CCNC: variants seen among roughly 807,000 people sequenced by gnomAD.
The protein encoded by CCNC is cyclin C.
CCNC carries 19 observed loss-of-function variants against 50.0 expected under a neutral mutation model. The observed-to-expected ratio is 0.38, with a 90% confidence interval of 0.27 to 0.56. The LOEUF is 0.56. Ranked by LOEUF, CCNC falls within the 20% of genes least tolerant of loss-of-function variation. CCNC has a pLI of 0.72. For synonymous variants in CCNC, 93 were observed against 103.7 expected (o/e 0.90, Z 0.63); for missense variants, 200 against 327.1 (o/e 0.61, Z 3.00).
intron 5 of CCNC, among the ~76,000 whole-genome samples, chr6:99,552,668 A>G (rs1375004107): frequency 6.6e-6 from 1 of 152,216 alleles, no homozygotes; most frequent in East Asian, 1.9e-4. Context: ...TCAACCAAGT[A>G]ACTACTGACA....
chr6:99,545,871 G>A (rs565328364), intron 10 of CCNC, among the ~76,000 whole-genome samples: 54 of 152,238 alleles, frequency 3.5e-4, no homozygotes, highest in African/African-American at 1.3e-3. Context: ...GGAATGAGAG[G>A]CTACTTTGCA....
intron 5 of CCNC, chr6:99,557,438 G>A (rs4840061): frequency 0.053 from 8,098 of 152,044 alleles, 386 homozygotes; most frequent in East Asian, 0.24. Flanking sequence ...TCCAAAATTC[G>A]TATGTTGAAG....
chr6:99,562,854 A>C lies in CCNC; in HGVS notation c.127T>G (p.Phe43Val). The C allele has an allele frequency of 6.3e-7, 1 of 1,581,824 alleles. No individual in the cohort carries two copies. The highest frequency in any genetic ancestry group is 8.6e-7 in the Non-Finnish European group (1 of 1,159,490). Residue 43 changes from phenylalanine to valine, a missense_variant, in exon 2 of 12, where the codon TTT (phenylalanine) becomes GTT (valine). Phe to Val is a conservative substitution (Grantham distance 50). Transcript: ENST00000520429. Reference sequence around the variant, plus strand: ...TAAAAAAGTTTACCATTTGTAAAAAATATTTGTAACTTCCAATATTCTTCC... The same window carrying C: ...TAAAAAAGTTTACCATTTGTAAAAACTATTTGTAACTTCCAATATTCTTCC... ...SEEEYWKLQI[F>V]FTNVIQALGE... is the part of the protein sequence containing the mutation.
At chr6:99,544,151 A>C in intron 11 of CCNC, 1 of 1,494,040 alleles carries the variant, frequency 6.7e-7, no homozygotes, top group Non-Finnish European at 8.9e-7. Flanking sequence ...AATGCTGAAT[A>C]CTTAAAAATA....
intron 5 of CCNC, 79 bp downstream of exon 5, chr6:99,558,418 C>T (rs765440266): frequency 1.9e-6 from 3 of 1,553,486 alleles, no homozygotes; most frequent in South Asian, 2.5e-5. Context: ...GTCTCATAAA[C>T]TAAAAAAAAA....
intron 2 of CCNC, 200 bp downstream of exon 2, chr6:99,562,642 C>G (rs1387951136): frequency 2.1e-6 from 1 of 482,692 alleles, no homozygotes; most frequent in Non-Finnish European, 3.6e-6. Flanking sequence ...TCTTGAGTGC[C>G]TGTGATATGT....
In CCNC at chr6:99,561,650, T is replaced by C. The variant is rs753290581; in HGVS notation, c.171A>G (p.Leu57=). The change falls in exon 3 of 12, where the codon TTA becomes TTG. Residue 57 remains leucine (L), a synonymous_variant. Coordinates refer to ENST00000520429, the MANE Select transcript of CCNC (RefSeq NM_005190.4). ...VIQALGEHLK[L]RQQVIATATV... is the part of the protein sequence containing the mutation. ...TAGCAGTGGCAATAACTTGTTGTCT[T>C]AATTTAAGATGTTCACCTAATGCTT... 1.9e-6 allele frequency: 3 copies of C among 1,609,152 alleles called. No individual in the cohort carries two copies. Among genetic ancestry groups the C allele is most frequent in the Non-Finnish European group, 1.7e-6 (2 of 1,176,050 alleles).
At chr6:99,563,319 G>A (rs1274203649) in intron 1 of CCNC, among the ~76,000 whole-genome samples, 5 of 152,110 alleles carry the variant, frequency 3.3e-5, no homozygotes, top group Non-Finnish European at 7.4e-5. Flanking sequence ...ACCAATTGAT[G>A]GTGGCTTAGA....
intron 1 of CCNC, among the ~76,000 whole-genome samples, chr6:99,564,873 C>T: frequency 6.6e-6 from 1 of 152,096 alleles, no homozygotes; most frequent in East Asian, 1.9e-4. Context: ...TTCTAATACC[C>T]TTAAGAGCTT....
chr6:99,561,874 T>C (rs1489531568), intron 2 of CCNC, 193 bp from the exon 3 acceptor site: 1 of 363,862 alleles, frequency 2.7e-6, no homozygotes, highest in Non-Finnish European at 5.0e-6. Context: ...TATATAGGTA[T>C]GCATAAACAA....
chr6:99,568,436 C>T, intron 1 of CCNC, 60 bp downstream of exon 1: 1 of 1,520,262 alleles, frequency 6.6e-7, no homozygotes, highest in Non-Finnish European at 9.1e-7. Flanking sequence ...GAGTCACAGG[C>T]CCCGTCCTCA....
chr6:99,554,770 A>T (rs865958007), intron 5 of CCNC, among the ~76,000 whole-genome samples: 1 of 152,116 alleles, frequency 6.6e-6, no homozygotes, highest in South Asian at 2.1e-4. Flanking sequence ...CCATTTCTCC[A>T]AGGAGCCCTG....
chr6:99,544,203 T>G (rs1324105239), intron 11 of CCNC: 7 of 1,531,860 alleles, frequency 4.6e-6, no homozygotes, highest in African/African-American at 1.4e-5. Flanking sequence ...ATAGGATTAT[T>G]GCCTTATCTT....
At chr6:99,555,851 A>T (rs2114339227) in intron 5 of CCNC, among the ~76,000 whole-genome samples, 1 of 152,330 alleles carries the variant, frequency 6.6e-6, no homozygotes, top group African/African-American at 2.4e-5. Flanking sequence ...GATTAAATTT[A>T]ATTCTTTTCA....
intron 6 of CCNC, 29 bp downstream of exon 6, chr6:99,551,810 TA>T: frequency 7.7e-7 from 1 of 1,295,590 alleles, no homozygotes; most frequent in Non-Finnish European, 1.0e-6. Flanking sequence ...ATAGCTTTGA[TA>T]ATTGTTCCAT....
At position 99,550,249 on chromosome 6, in the gene CCNC, C is replaced by A; in HGVS notation, c.499G>T (p.Gly167Cys). 5.6e-6 allele frequency: 9 copies of A among 1,612,550 alleles called. No individual in the cohort carries two copies. Among genetic ancestry groups the A allele is most frequent in the Non-Finnish European group, 7.6e-6 (9 of 1,179,098 alleles). Residue 167 changes from glycine (G) to cysteine (C), a missense_variant, in exon 8 of 12, where the codon GGC becomes TGC. By Grantham distance (159) the Gly-to-Cys change is radical (BLOSUM62 -3). Coordinates refer to ENST00000520429, the MANE Select transcript of CCNC (RefSeq NM_005190.4). ...RPLLQYVQDM[G>C]QEDMLLPLAW... The stretch of plus-strand genomic sequence containing the variant: ...AGGGGAAGCAACATGTCTTCTTGGC[C>A]CATGTCCTGCACATACTGGAGCAAA...
chr6:99,552,370 TA>T (rs1273092028), intron 5 of CCNC, among the ~76,000 whole-genome samples: 6 of 152,200 alleles, frequency 3.9e-5, no homozygotes, highest in Admixed American at 3.9e-4. Flanking sequence ...AACTTTTTAC[TA>T]ATCTGCACTT....
intron 5 of CCNC, among the ~76,000 whole-genome samples, chr6:99,555,368 T>C (rs1266916053): frequency 6.6e-6 from 1 of 152,186 alleles, no homozygotes; most frequent in Non-Finnish European, 1.5e-5. Context: ...GACACTATGT[T>C]CTCTCTCAAA....
intron 1 of CCNC, among the ~76,000 whole-genome samples, chr6:99,564,723 C>G (rs1562495436): frequency 6.6e-6 from 1 of 151,916 alleles, no homozygotes; most frequent in Non-Finnish European, 1.5e-5. Context: ...AAATTTCTCC[C>G]AAGTTTAAAT....
Sources: gnomAD v4.1 joint callset for allele counts (sites outside exome capture counted in the v4.1 genomes callset) on GRCh38, gnomAD v4.1.1 for gene constraint, MANE v1.5 for transcripts, NCBI Gene and HGNC (gene_info 2026-07-23, HGNC 2026-07-21) for gene names.